The following SYNE1 variants were observed in gnomAD, a reference collection of about 807,000 sequenced individuals.
SYNE1 encodes nesprin-1.
SYNE1 carries 616 observed loss-of-function variants against 1,111.0 expected under a neutral mutation model. The ratio of observed to expected loss-of-function variants is 0.55; its 90% CI spans 0.52 to 0.59. The LOEUF is 0.59. SYNE1 is among the 20% of genes least tolerant of loss of function. The pLI is 0.00. For missense variants in SYNE1, 10,006 were observed against 10,417.0 expected (o/e 0.96, Z 1.72); for synonymous variants, 3,855 against 3,825.8 (o/e 1.01, Z -0.28).
chr6:152,534,190 GAATGAATGAATGAATA>G (rs959770584), intron 4 of SYNE1, among the ~76,000 whole-genome samples: 2 of 144,120 alleles, frequency 1.4e-5, no homozygotes, highest in Middle Eastern at 3.6e-3. Flanking sequence ...ATGAATGAAT[GAATGAATGAATGAATA>G]AATAAATAAA....
chr6:152,532,180 C>T (rs2099205995), intron 4 of SYNE1, among the ~76,000 whole-genome samples: 1 of 152,146 alleles, frequency 6.6e-6, no homozygotes, highest in Non-Finnish European at 1.5e-5. Flanking sequence ...TACAAATCTT[C>T]TACAATCTTA....
At chr6:152,130,025 G>C (rs2068867) in intron 145 of SYNE1, among the ~76,000 whole-genome samples, 4 of 152,166 alleles carry the variant, frequency 2.6e-5, no homozygotes, top group Non-Finnish European at 4.4e-5. Context: ...GGGGCTGCTG[G>C]AGGCCAGGCA....
At chr6:152,300,387 TAA>T (rs1258859317) in intron 93 of SYNE1, among the ~76,000 whole-genome samples, 1 of 152,208 alleles carries the variant, frequency 6.6e-6, no homozygotes, top group Non-Finnish European at 1.5e-5. Flanking sequence ...CATAATGTCT[TAA>T]AACAGAGCCT....
chr6:152,363,480 C>A (rs1262723925), intron 63 of SYNE1, among the ~76,000 whole-genome samples: 2 of 149,926 alleles, frequency 1.3e-5, no homozygotes, highest in East Asian at 2.0e-4. Context: ...GGCGACAGAG[C>A]AAGACTCCGT....
At chr6:152,612,286 C>T (rs2623979) in intron 3 of SYNE1, among the ~76,000 whole-genome samples, 110,078 of 151,626 alleles carry the variant, frequency 0.73, 40,109 homozygotes, top group East Asian at 0.8. Context: ...AAGAATCAAA[C>T]AGATGCAATA....
chr6:152,444,601 AAC>A, intron 29 of SYNE1, 23 bp from the exon 30 acceptor site: 1 of 1,599,812 alleles, frequency 6.3e-7, no homozygotes, highest in East Asian at 2.2e-5. Flanking sequence ...GAAAAAAAAA[AAC>A]ACGTAAATCA....
At position 152,262,040 on chromosome 6, in the gene SYNE1, C is replaced by T. The variant is rs376472604; in HGVS notation, c.18964G>A (p.Glu6322Lys). 3.1e-6 allele frequency: 5 copies of T among 1,612,936 alleles called. No individual in the cohort carries two copies. Among genetic ancestry groups the T allele is most frequent in the African/African-American group, 1.3e-5 (1 of 74,892 alleles). The change falls in exon 101 of 146, where the codon GAG (glutamate) becomes AAG (lysine). Residue 6322 changes from glutamate (E) to lysine (K), a missense_variant. Glu to Lys is a moderately conservative substitution (Grantham distance 56, BLOSUM62 1). Transcript: ENST00000367255. The stretch of plus-strand genomic sequence containing the variant: ...TGTAAAATATTTGATACCACTTGCT[C>T]TTGTTCCTGTTCCAGAACATTCTGT... ...LLQNVLEQEQEQVLYSRPNRL... is the reference protein window; with the variant it reads ...LLQNVLEQEQKQVLYSRPNRL...
intron 92 of SYNE1, 50 bp downstream of exon 92, chr6:152,301,819 G>T: frequency 3.9e-6 from 6 of 1,549,876 alleles, no homozygotes; most frequent in Admixed American, 1.9e-5. Context: ...GGAGCCACTC[G>T]CCAGGCTCCA....
chr6:152,136,549 C>G (rs2152750246), intron 141 of SYNE1, 69 bp downstream of exon 141: 1 of 1,585,574 alleles, frequency 6.3e-7, no homozygotes. Context: ...CATGATACAT[C>G]AAGTCACACA....
intron 130 of SYNE1, among the ~76,000 whole-genome samples, chr6:152,175,432 C>A (rs1248337427): frequency 6.6e-6 from 1 of 152,178 alleles, no homozygotes; most frequent in South Asian, 2.1e-4. Context: ...TTATGCAGCA[C>A]GGCTAAGGAA....
intron 73 of SYNE1, among the ~76,000 whole-genome samples, chr6:152,344,466 A>G (rs751718633): frequency 1.3e-5 from 2 of 152,206 alleles, no homozygotes; most frequent in African/African-American, 4.8e-5. Context: ...GATTAGGGGA[A>G]GAGAACATGA....
chr6:152,316,515 C>T (rs2095726448), intron 87 of SYNE1: 2 of 343,726 alleles, frequency 5.8e-6, no homozygotes, highest in Non-Finnish European at 5.5e-6. Flanking sequence ...CACTTCATTG[C>T]ATCTCTTCAC....
At chr6:152,142,615 A>G (rs1439820559) in intron 138 of SYNE1, among the ~76,000 whole-genome samples, 1 of 152,196 alleles carries the variant, frequency 6.6e-6, no homozygotes, top group Non-Finnish European at 1.5e-5. Context: ...TGCCAGTAGG[A>G]CTGTTATTCT....
intron 59 of SYNE1, 55 bp from the exon 60 acceptor site, chr6:152,369,669 A>C (rs545617607): frequency 6.2e-7 from 1 of 1,602,378 alleles, no homozygotes; most frequent in Non-Finnish European, 8.5e-7. Flanking sequence ...AGCAAGTCCA[A>C]GGTCCTTCAC....
At chr6:152,395,115 G>C (rs767074707) in intron 51 of SYNE1, among the ~76,000 whole-genome samples, 12 of 150,852 alleles carry the variant, frequency 8.0e-5, no homozygotes, top group Non-Finnish European at 1.5e-4. Flanking sequence ...TATCTTTACA[G>C]TCACTGTGAA....
intron 3 of SYNE1, among the ~76,000 whole-genome samples, chr6:152,567,662 T>C (rs1030595641): frequency 2.0e-5 from 3 of 152,150 alleles, no homozygotes; most frequent in Non-Finnish European, 1.5e-5. Context: ...AGCAGTAACT[T>C]TGCACTTACA....
intron 139 of SYNE1, 25 bp from the exon 140 acceptor site, chr6:152,140,186 G>A (rs372094140): frequency 6.8e-6 from 11 of 1,611,808 alleles, no homozygotes; most frequent in African/African-American, 1.3e-5. Context: ...ATAGAACAGT[G>A]AGGTTATTTT....
At chr6:152,463,550 C>A in intron 18 of SYNE1, 33 bp from the exon 19 acceptor site, 2 of 1,568,466 alleles carry the variant, frequency 1.3e-6, no homozygotes, top group African/African-American at 1.4e-5. Context: ...TATCATAAAC[C>A]ATAAACCAAA....
At chr6:152,625,039 T>C (rs1278125778) in intron 3 of SYNE1, among the ~76,000 whole-genome samples, 1 of 152,204 alleles carries the variant, frequency 6.6e-6, no homozygotes, top group African/African-American at 2.4e-5. Flanking sequence ...TATACATATC[T>C]AGACAAAGAA....
Sources: allele counts gnomAD v4.1 joint callset (sites outside exome capture counted in the v4.1 genomes callset), GRCh38; gene constraint gnomAD v4.1.1; transcripts MANE v1.5; gene names NCBI Gene and HGNC (gene_info 2026-07-23, HGNC 2026-07-21).